TRPM7: variants seen among roughly 807,000 people sequenced by gnomAD.
TRPM7 encodes transient receptor potential cation channel subfamily M member 7.
Under a neutral mutation model 229.7 loss-of-function variants are expected in TRPM7, and 134 were observed. The observed-to-expected ratio is 0.58, with a 90% CI of 0.51 to 0.67. The LOEUF (loss-of-function observed/expected upper bound fraction) is 0.67. Among genes scored for constraint, TRPM7 ranks in the 30% least tolerant of loss-of-function variants. TRPM7 has a pLI of 0.00. For synonymous variants in TRPM7, 699 were observed against 715.2 expected, an observed-to-expected ratio of 0.98 and a Z score of 0.36; for missense variants, 1,901 against 2,210.0, an observed-to-expected ratio of 0.86 and a Z score of 2.80.
intron 5 of TRPM7, among the ~76,000 whole-genome samples, chr15:50,640,440 G>A (rs62017194): frequency 6.0e-5 from 9 of 148,962 alleles, no homozygotes; most frequent in African/African-American, 2.0e-4. Context: ...CCATGCCGGG[G>A]TAATTTTTTT....
chr15:50,637,347 T>G (rs988298918), intron 7 of TRPM7, 75 bp downstream of exon 7: 5 of 1,367,798 alleles, frequency 3.7e-6, no homozygotes, highest in African/African-American at 2.9e-5. Flanking sequence ...CAAAGAACAT[T>G]CTACTTTCTT....
chr15:50,612,558 T>C lies in TRPM7; in HGVS notation c.2042A>G (p.Gln681Arg), dbSNP rs1410744055. 4.4e-6 allele frequency: 7 copies of C among 1,604,276 alleles called. No individual in the cohort carries two copies. Among genetic ancestry groups the C allele is most frequent in the East Asian group, 4.5e-5 (2 of 44,674 alleles). ...ATAAAATACCACTTACTTGGAATAC[T>C]GTTTTAGTTCTTCTGAAGTATCATC... is the stretch of plus-strand genomic sequence containing the variant. ...LVDDTSEELK[Q>R]YSNDFGQLAV... The change falls in exon 16 of 39, where the codon CAG (glutamine) becomes CGG (arginine). Residue 681 changes from glutamine to arginine, a missense_variant. Around this residue, in one of 8 missense-constraint regions of TRPM7, gnomAD observed 794 missense variants for 881.9 expected, o/e 0.90. Transcript: ENST00000646667.
chr15:50,614,373 A>G, intron 13 of TRPM7, 110 bp from the exon 14 acceptor site: 4 of 1,064,738 alleles, frequency 3.8e-6, no homozygotes, highest in African/African-American at 1.6e-5. Flanking sequence ...TACTTCTTAT[A>G]AGAAGCAAGG....
intron 1 of TRPM7, among the ~76,000 whole-genome samples, chr15:50,671,519 G>A (rs987671587): frequency 6.6e-6 from 1 of 152,162 alleles, no homozygotes; most frequent in African/African-American, 2.4e-5. Context: ...AATTCCTATT[G>A]CAGGCTGGGT....
rs1194958653 is a variant in TRPM7 at position 50,583,164 on chromosome 15, A to G, written c.4487-5T>C. The G allele has an allele frequency of 1.3e-6, 2 of 1,591,182 alleles. No individual in the cohort carries two copies. The highest frequency in any genetic ancestry group is 1.7e-6 in the Non-Finnish European group (2 of 1,170,034). On this transcript the variant is annotated splice_region_variant and splice_polypyrimidine_tract_variant and intron_variant, in intron 28 of 38. Coordinates refer to ENST00000646667, the MANE Select transcript of TRPM7 (RefSeq NM_017672.6). ...GCCTTCTACTGATTTTTTCTGCTAAAAGAAAATTAAAAAATATAAAAAAGC... is the reference window on the plus strand; with the variant it reads ...GCCTTCTACTGATTTTTTCTGCTAAGAGAAAATTAAAAAATATAAAAAAGC...
At chr15:50,607,110 A>ACC (rs1228584315) in intron 20 of TRPM7, 90 bp downstream of exon 20, 3 of 1,108,366 alleles carry the variant, frequency 2.7e-6, no homozygotes, top group African/African-American at 1.6e-5. Context: ...ACACACACAC[A>ACC]CCCCCCTACG....
At chr15:50,647,396 G>A (rs1180798971) in intron 4 of TRPM7, among the ~76,000 whole-genome samples, 1 of 152,138 alleles carries the variant, frequency 6.6e-6, no homozygotes, top group African/African-American at 2.4e-5. Flanking sequence ...TTCCCAAAGT[G>A]CTGGGATTAC....
At chr15:50,593,252 G>A (rs1166777669) in intron 25 of TRPM7, among the ~76,000 whole-genome samples, 1 of 151,930 alleles carries the variant, frequency 6.6e-6, no homozygotes, top group Non-Finnish European at 1.5e-5. Flanking sequence ...TTGTGCCACT[G>A]TACTCCAGCC....
intron 28 of TRPM7, among the ~76,000 whole-genome samples, chr15:50,585,235 G>C (rs1031092141): frequency 1.3e-5 from 2 of 151,984 alleles, no homozygotes; most frequent in African/African-American, 4.8e-5. Flanking sequence ...CTAATTTTTT[G>C]TATTTTTAGT....
Position 50,592,302 on chromosome 15 carries a change from A to T in TRPM7, c.3933T>A (p.Asn1311Lys). 6.2e-7 allele frequency: 1 copy of T among 1,613,870 alleles called. No individual in the cohort carries two copies. Among genetic ancestry groups the T allele is most frequent in the South Asian group, 1.1e-5 (1 of 91,064 alleles). ...SLPQGDLESN[N>K]PFHCNILMKD... The stretch of plus-strand genomic sequence containing the variant: ...TCATTAAAATATTACAATGAAAAGG[A>T]TTATTACTTTCAAGATCACCTTGAG... The change falls in exon 26 of 39, where the codon AAT becomes AAA. Residue 1311 changes from asparagine (N) to lysine (K), a missense_variant. Asn to Lys is a moderately conservative substitution (Grantham distance 94, BLOSUM62 0). This residue lies in a region of TRPM7 where 533 missense variants were observed against 497.1 expected (regional missense o/e 1.07). Coordinates refer to ENST00000646667, the MANE Select transcript of TRPM7 (RefSeq NM_017672.6).
At chr15:50,663,174 A>G (rs2061778140) in intron 1 of TRPM7, 128 bp from the exon 2 acceptor site, 3 of 676,930 alleles carry the variant, frequency 4.4e-6, no homozygotes, top group Admixed American at 5.4e-5. Context: ...TGTTGCCCAG[A>G]CTGGAGAGCA....
intron 22 of TRPM7, among the ~76,000 whole-genome samples, chr15:50,597,528 A>T (rs1307501851): frequency 6.6e-6 from 1 of 152,242 alleles, no homozygotes; most frequent in African/African-American, 2.4e-5. Context: ...AGTTTGCGGA[A>T]GCAAATACCC....
chr15:50,684,240 C>T (rs1189336899), intron 1 of TRPM7, among the ~76,000 whole-genome samples: 1 of 151,774 alleles, frequency 6.6e-6, no homozygotes, highest in African/African-American at 2.4e-5. Context: ...GCAACCTCCA[C>T]CTCCCAGGTT....
At chr15:50,614,356 A>T (rs1567012261) in intron 13 of TRPM7, 93 bp from the exon 14 acceptor site, 2 of 1,187,014 alleles carry the variant, frequency 1.7e-6, no homozygotes, top group Non-Finnish European at 2.3e-6. Flanking sequence ...CCAAAATGAC[A>T]AATGTTTACT....
intron 12 of TRPM7, among the ~76,000 whole-genome samples, chr15:50,620,382 C>T (rs1403808819): frequency 1.1e-4 from 16 of 149,506 alleles, no homozygotes; most frequent in Admixed American, 8.7e-4. Context: ...GACAATTTTT[C>T]TTCCAATGTG....
At chr15:50,610,315 CTA>C (rs1488720636) in intron 17 of TRPM7, among the ~76,000 whole-genome samples, 1 of 152,012 alleles carries the variant, frequency 6.6e-6, no homozygotes, top group East Asian at 1.9e-4. Context: ...TATAAAGGTG[CTA>C]TGTCCTTAAT....
intron 9 of TRPM7, 51 bp from the exon 10 acceptor site, chr15:50,631,540 G>T: frequency 7.7e-7 from 1 of 1,304,758 alleles, no homozygotes; most frequent in Non-Finnish European, 1.1e-6. Context: ...TTAAAACAAA[G>T]GCATCATAAA....
chr15:50,656,873 G>A (rs1335156307), intron 3 of TRPM7, among the ~76,000 whole-genome samples: 1 of 152,026 alleles, frequency 6.6e-6, no homozygotes, highest in African/African-American at 2.4e-5. Context: ...AAATCCTATT[G>A]CATTTATCTC....
At chr15:50,637,647 TA>T in intron 6 of TRPM7, 54 bp from the exon 7 acceptor site, 1 of 1,445,864 alleles carries the variant, frequency 6.9e-7, no homozygotes, top group Non-Finnish European at 9.3e-7. Context: ...CAGTATGATG[TA>T]AAATAAATTT....
Sources: gnomAD v4.1 joint callset for allele counts (sites outside exome capture counted in the v4.1 genomes callset) on GRCh38, gnomAD v4.1.1 for gene constraint, gnomAD v4.1.1 regional missense constraint, MANE v1.5 for transcripts, NCBI Gene and HGNC (gene_info 2026-07-23, HGNC 2026-07-21) for gene names.